PDZD7: variants seen among roughly 807,000 people sequenced by gnomAD.
The protein encoded by PDZD7 is PDZ domain containing 7, also known as PDZ domain-containing protein 7.
In PDZD7, 72 loss-of-function variants were observed where a neutral mutation model predicts 84.7. That is an observed-to-expected ratio of 0.85 (90% CI 0.70 to 1.03). The LOEUF is 1.03. Ranked by LOEUF, PDZD7 falls within the 50% of genes least tolerant of loss-of-function variation. The pLI, the probability that PDZD7 is intolerant of heterozygous loss-of-function variation, is 0.00. For synonymous variants in PDZD7, 594 were observed against 580.7 expected (o/e 1.02, Z -0.33); for missense variants, 1,490 against 1,412.9 (o/e 1.05, Z -0.87).
chr10:101,029,281 T>G (rs769355392), intron 2 of PDZD7, among the ~76,000 whole-genome samples: 2 of 152,148 alleles, frequency 1.3e-5, no homozygotes, highest in Non-Finnish European at 2.9e-5. Context: ...CCACCAGCTG[T>G]TCTTATTGCT....
At chr10:101,012,055 G>A (rs914513074) in intron 12 of PDZD7, 39 bp from the exon 13 acceptor site, 13 of 1,542,558 alleles carry the variant, frequency 8.4e-6, no homozygotes, top group African/African-American at 1.4e-5. Flanking sequence ...GGGAGGGGCA[G>A]GCAGGATTTC....
Position 101,007,962 on chromosome 10 carries a change from C to CCAGTAGAA in PDZD7, c.*497_*504dup, listed in dbSNP as rs1304695011. On this transcript the variant is annotated 3_prime_UTR_variant, in exon 17 of 17. Transcript: ENST00000619208. ...AAAAGGTGATGGAGGAAGGACAAAT[C>CCAGTAGAA]CAGTAGAATGTCTGAGGTCTTAGTG... 7.7e-6 allele frequency: 1 copy of CCAGTAGAA among 130,628 alleles called. No individual in the cohort carries two copies. Among genetic ancestry groups the CCAGTAGAA allele is most frequent in the Non-Finnish European group, 1.5e-5 (1 of 65,830 alleles). The allele number at this position is 130,628 out of a possible 1,614,324, so 8.1% of individuals were successfully genotyped here.
At position 101,017,855 on chromosome 10, in the gene PDZD7, G is replaced by GA. The variant is rs796573938; in HGVS notation, c.1522+243dup. ...GGAAGGAAGGAAAGAAAGAAAGAAA[G>GA]AAAGAAAGAAAGAAAGAAAGAAAGA... On this transcript the variant is annotated intron_variant, in intron 9 of 16. Coordinates refer to ENST00000619208, the MANE Select transcript of PDZD7 (RefSeq NM_001195263.2). 8.5e-4 allele frequency: 280 copies of GA among 330,820 alleles called. 2 individuals are homozygous for GA. The highest frequency in any genetic ancestry group is 6.6e-3 in the African/African-American group (136 of 20,716). 20.5% of individuals were successfully genotyped at this position (330,820 alleles called of 1,614,324 possible). A position where few individuals can be genotyped will look rare whatever the true frequency, so the allele number is the denominator to read the frequency against.
Position 101,011,935 on chromosome 10 carries a change from C to G in PDZD7, c.1923G>C (p.Lys641Asn). ...CCCCCCACTGCTGACCTGCCCTGCT[C>G]TTGAGGGCCTCAAAAGCCTCCAGCT... ...LVELEAFEAL[K>N]SRAVRPPALR... Residue 641 changes from lysine to asparagine, a missense_variant, in exon 13 of 17, where the codon AAG becomes AAC. Coordinates refer to ENST00000619208, the MANE Select transcript of PDZD7 (RefSeq NM_001195263.2). The G allele has an allele frequency of 1.3e-6, 2 of 1,550,198 alleles. No individual in the cohort carries two copies. Among genetic ancestry groups the G allele is most frequent in the East Asian group, 2.4e-5 (1 of 40,932 alleles).
chr10:101,023,975 T>C lies in PDZD7; in HGVS notation c.320A>G (p.His107Arg). ...TTTGCTGACGAAGATGCCCAGGCCATGCTCTGAGCCCCCGCGCACGCTGAA... is the reference window on the plus strand; with the variant it reads ...TTTGCTGACGAAGATGCCCAGGCCACGCTCTGAGCCCCCGCGCACGCTGAA... ...LGFSVRGGSEHGLGIFVSKVE... is the reference protein window; with the variant it reads ...LGFSVRGGSERGLGIFVSKVE... The change falls in exon 3 of 17, where the codon CAT becomes CGT. Residue 107 changes from histidine (H) to arginine (R), a missense_variant. His to Arg is a conservative substitution (Grantham distance 29, BLOSUM62 0). Transcript: ENST00000619208. 1.2e-6 allele frequency: 2 copies of C among 1,614,252 alleles called. No individual in the cohort carries two copies. The highest frequency in any genetic ancestry group is 1.7e-6 in the Non-Finnish European group (2 of 1,180,040).
chr10:101,018,380 G>A (rs74154263), intron 8 of PDZD7, 84 bp from the exon 9 acceptor site: 26,126 of 1,446,254 alleles, frequency 0.018, 575 homozygotes, highest in East Asian at 0.12. Context: ...GAGGGACAGA[G>A]AGAAGGGAGA....
intron 15 of PDZD7, among the ~76,000 whole-genome samples, chr10:101,010,033 C>G (rs1287170962): frequency 6.6e-6 from 1 of 152,184 alleles, no homozygotes; most frequent in Non-Finnish European, 1.5e-5. Flanking sequence ...GCTGGGATTA[C>G]AGGCGCCCAC....
In PDZD7 at chr10:101,015,643, C is replaced by G; in HGVS notation, c.1742G>C (p.Cys581Ser). 6.5e-7 allele frequency: 1 copy of G among 1,547,738 alleles called. No homozygotes were observed. The highest frequency in any genetic ancestry group is 8.7e-7 in the Non-Finnish European group (1 of 1,144,784). The change falls in exon 11 of 17, where the codon TGC (cysteine) becomes TCC (serine). Residue 581 changes from cysteine to serine, a missense_variant. Cys to Ser is a moderately radical substitution (Grantham distance 112). Coordinates refer to ENST00000619208, the MANE Select transcript of PDZD7 (RefSeq NM_001195263.2). ...GATGGGATGAAGGCTTACCCGGGAG[C>G]AGTGGCGGGTGACAGCCAGCACCTC... ...DDEVLAVTRH[C>S]SRYVHEGGIE...
At position 101,019,183 on chromosome 10, in the gene PDZD7, G is replaced by A. The variant is rs932953368; in HGVS notation, c.963C>T (p.Ala321=). The A allele has an allele frequency of 1.2e-5, 18 of 1,536,518 alleles. No individual in the cohort carries two copies. The African/African-American group carries it at 1.8e-4, about 15-fold the overall frequency. Residue 321 remains alanine (A), a synonymous_variant, in exon 8 of 17, where the codon GCC becomes GCT. Transcript: ENST00000619208. ...AAGAGACGCTGGAGCTGCTCTCAGA[G>A]GCCGGGGACAGCTGCTGCAGCACCC... The part of the protein sequence containing the change: ...SNGVLQQLSP[A]SESSSSVSSC...
rs1401314348 is a variant in PDZD7 at position 101,020,639 on chromosome 10, C to G, written c.907G>C (p.Glu303Gln). The change falls in exon 7 of 17, where the codon GAG becomes CAG. Residue 303 changes from glutamate to glutamine, a missense_variant. Coordinates refer to ENST00000619208, the MANE Select transcript of PDZD7 (RefSeq NM_001195263.2). ...RYPAYKEMVS[E>Q]YCWLDRLSNG... ...TTACGTCGGTCCAGCCAGCAGTACT[C>G]AGAAACCATCTCCTTGTAGGCAGGA... 1 of 1,613,990 alleles carries G rather than the reference C, an allele frequency of 6.2e-7. No individual in the cohort carries two copies. Among genetic ancestry groups the G allele is most frequent in the Admixed American group, 1.7e-5 (1 of 60,014 alleles).
At chr10:101,011,860 C>G in intron 13 of PDZD7, 65 bp downstream of exon 13, 1 of 1,549,422 alleles carries the variant, frequency 6.5e-7, no homozygotes, top group Non-Finnish European at 8.7e-7. Context: ...CCCTCTCCAC[C>G]ACGGGGTCCC....
intron 10 of PDZD7, 148 bp downstream of exon 10, chr10:101,016,229 C>T (rs1047031481): frequency 2.5e-6 from 2 of 806,556 alleles, no homozygotes; most frequent in Middle Eastern, 2.4e-4. Context: ...CTTTTAGCTG[C>T]CCCCAATACA....
intron 2 of PDZD7, among the ~76,000 whole-genome samples, chr10:101,026,887 C>A (rs79509258): frequency 0.032 from 4,904 of 152,066 alleles, 120 homozygotes; most frequent in Non-Finnish European, 0.046. Context: ...AGCCAAGGAG[C>A]CTTTTACTCC....
At chr10:101,012,890 C>T (rs532069374) in intron 11 of PDZD7, among the ~76,000 whole-genome samples, 16 of 152,182 alleles carry the variant, frequency 1.1e-4, no homozygotes, top group Admixed American at 1.3e-4. Flanking sequence ...TGGAGGGGGG[C>T]GGGGTGGAGC....
Position 101,010,839 on chromosome 10 carries a change from C to A in PDZD7, c.2050G>T (p.Glu684Ter). 2.0e-6 allele frequency: 3 copies of A among 1,534,868 alleles called. No individual in the cohort carries two copies. The highest frequency in any genetic ancestry group is 2.6e-6 in the Non-Finnish European group (3 of 1,146,902). The change falls in exon 15 of 17, where the codon GAA (glutamate) becomes TAA (stop). Residue 684 changes from glutamate (E) to a stop codon, truncating the protein, a stop_gained. Transcript: ENST00000619208. LOFTEE classifies it high-confidence loss of function. ...FYLLPVNGFP[E>*]EEDNGELRER... Reference sequence around the variant, plus strand: ...CTCAGCTCCCCATTATCTTCCTCTTCCGGGAAGCCGTTCACCGGCAGCAGG... The same window carrying A: ...CTCAGCTCCCCATTATCTTCCTCTTACGGGAAGCCGTTCACCGGCAGCAGG...
intron 15 of PDZD7, among the ~76,000 whole-genome samples, chr10:101,009,599 C>CTTTTTTTTTTTTTT (rs142806278): frequency 1.6e-5 from 1 of 62,234 alleles, no homozygotes; most frequent in Non-Finnish European, 2.7e-5. Flanking sequence ...GAGACAGAGT[C>CTTTTTTTTTTTTTT]TTTTTTTTTT....
chr10:101,011,892 C>G, intron 13 of PDZD7, 33 bp downstream of exon 13: 1 of 1,549,628 alleles, frequency 6.5e-7, no homozygotes, highest in South Asian at 1.2e-5. Flanking sequence ...CAGCAGGGCT[C>G]AGGACCCAGA....
rs748129104 is a variant in PDZD7, at chr10:101,008,623, A to G, written c.2946T>C (p.Ala982=). Residue 982 remains alanine, a synonymous_variant, in exon 17 of 17, where the codon GCT becomes GCC. Transcript: ENST00000619208. ...DHLPAHQPLD[A]APVPAHWLPE... ...GGAGCCAGTGGGCAGGAACTGGAGC[A>G]GCATCAAGGGGTTGGTGGGCAGGCA... 2.9e-5 allele frequency: 45 copies of G among 1,536,014 alleles called. No homozygotes were observed. Among genetic ancestry groups the G allele is most frequent in the Non-Finnish European group, 3.8e-5 (44 of 1,146,890 alleles).
rs1170576262 is a variant in PDZD7 at position 101,011,746 on chromosome 10, A to G, written c.1949T>C (p.Leu650Ser). The G allele has an allele frequency of 6.5e-7, 1 of 1,548,386 alleles. No individual in the cohort carries two copies. The highest frequency in any genetic ancestry group is 1.4e-5 in the African/African-American group (1 of 73,052). Residue 650 changes from leucine to serine, a missense_variant, in exon 14 of 17, where the codon TTG (leucine) becomes TCG (serine). Leu to Ser is a moderately radical substitution (Grantham distance 145). Transcript: ENST00000619208. ...LKSRAVRPPA[L>S]RPARQDTPPK... ...TGGCGTGTCCTGCCGGGCTGGTCTC[A>G]AAGCAGGAGGCCGGACTGGTTGGAG...
Sources: allele counts gnomAD v4.1 joint callset (sites outside exome capture counted in the v4.1 genomes callset), GRCh38; gene constraint gnomAD v4.1.1; transcripts MANE v1.5; gene names NCBI Gene and HGNC (gene_info 2026-07-23, HGNC 2026-07-21).